The following BEND6 variants were observed in gnomAD, a reference collection of about 807,000 sequenced individuals.
BEND6 encodes the protein BEN domain-containing protein 6.
Under a neutral mutation model 31.8 loss-of-function variants are expected in BEND6, and 24 were observed. The observed-to-expected ratio is 0.75, with a 90% confidence interval of 0.55 to 1.06. The LOEUF is 1.06. BEND6 is among the 50% of genes least tolerant of loss of function. The pLI is 0.00. For missense variants in BEND6, 294 were observed against 327.4 expected (o/e 0.90, Z 0.79); for synonymous variants, 109 against 114.6 (o/e 0.95, Z 0.31).
chr6:57,022,618 T>G (rs1286875773), intron 6 of BEND6, among the ~76,000 whole-genome samples: 1 of 152,116 alleles, frequency 6.6e-6, no homozygotes, highest in African/African-American at 2.4e-5. Context: ...CTTTTTTGTT[T>G]GTTTGTTTTT....
At chr6:56,976,828 G>C (rs1825894881) in intron 1 of BEND6, among the ~76,000 whole-genome samples, 1 of 152,218 alleles carries the variant, frequency 6.6e-6, no homozygotes, top group Non-Finnish European at 1.5e-5. Flanking sequence ...GCTTCCCAAA[G>C]TGCTGGGATT....
At position 56,990,404 on chromosome 6, in the gene BEND6, G is replaced by A. The variant is rs549297437; in HGVS notation, c.121-1974G>A. 5.3e-5 allele frequency among the ~76,000 whole-genome samples: 8 copies of A among 151,876 alleles called. No homozygotes were observed. In the South Asian group the frequency reaches 1.5e-3, roughly 28 times the overall value. On this transcript the variant is annotated intron_variant, in intron 2 of 6. Transcript: ENST00000370746. The stretch of plus-strand genomic sequence containing the variant: ...CAGGACTACAGGTGTGCACCACCAC[G>A]ACTGGATAATTTTTGTATTTTTTGT...
rs1478413138 is a variant in BEND6, at chr6:56,983,372, C to T, written c.120+1442C>T. 2.0e-5 allele frequency among the ~76,000 whole-genome samples: 3 copies of T among 152,266 alleles called. No individual in the cohort carries two copies. The East Asian group carries it at 5.8e-4, about 29-fold the overall frequency. ...ACAAAACAATTTTATTACCTATGGT[C>T]CTCGTGTGCTACGTTAGATCTCTAA... On this transcript the variant is annotated intron_variant, in intron 2 of 6. Coordinates refer to ENST00000370746, the MANE Select transcript of BEND6 (RefSeq NM_152731.3).
intron 1 of BEND6, among the ~76,000 whole-genome samples, chr6:56,968,863 C>T (rs1193317001): frequency 6.6e-6 from 1 of 151,974 alleles, no homozygotes; most frequent in African/African-American, 2.4e-5. Context: ...ATCACGAGGT[C>T]AGGAGCTCAA....
At chr6:57,022,715 C>T (rs1398476052) in intron 6 of BEND6, among the ~76,000 whole-genome samples, 1 of 151,294 alleles carries the variant, frequency 6.6e-6, no homozygotes, top group Non-Finnish European at 1.5e-5. Flanking sequence ...CTTTGAGGTA[C>T]ACCATTAGGT....
rs1824641700 is a variant in BEND6, at chr6:56,955,322, G to A, written c.-239G>A. On this transcript the variant is annotated 5_prime_UTR_variant, in exon 1 of 7. Transcript: ENST00000370746. The stretch of plus-strand genomic sequence containing the variant: ...CAGCCTCCCTCGGCCAAATTGCTGC[G>A]GAGCCCGTCGTCAGGGGGCGCCAAG... 1 of 152,250 alleles carries A rather than the reference G, an allele frequency of 6.6e-6. No homozygotes were observed. Among genetic ancestry groups the A allele is most frequent in the African/African-American group, 2.4e-5 (1 of 41,466 alleles). 9.4% of individuals were successfully genotyped at this position (152,250 alleles called of 1,614,324 possible). A position where few individuals can be genotyped will look rare whatever the true frequency, so the allele number is the denominator to read the frequency against.
intron 6 of BEND6, among the ~76,000 whole-genome samples, chr6:57,019,545 A>C (rs1347879699): frequency 6.6e-6 from 1 of 152,124 alleles, no homozygotes; most frequent in Non-Finnish European, 1.5e-5. Flanking sequence ...ACCATGTTTT[A>C]AATGAGATGT....
Position 57,015,179 on chromosome 6 carries a change from C to G in BEND6, c.345C>G (p.Ala115=). 2 of 1,614,074 alleles carry G rather than the reference C, an allele frequency of 1.2e-6. No individual in the cohort carries two copies. The highest frequency in any genetic ancestry group is 1.7e-6 in the Non-Finnish European group (2 of 1,180,016). Residue 115 remains alanine, a synonymous_variant, in exon 4 of 7, where the codon GCC becomes GCG. Coordinates refer to ENST00000370746, the MANE Select transcript of BEND6 (RefSeq NM_152731.3). ...AGTTTGAAGAATTGGTTGGTATGGC[C>G]GAGGCTCTGCTTAAGGGTGGGGGAA... ...VTQFEELVGM[A]EALLKGGGTM...
At chr6:57,014,867 T>C (rs1026512569) in intron 3 of BEND6, among the ~76,000 whole-genome samples, 3 of 152,228 alleles carry the variant, frequency 2.0e-5, no homozygotes, top group Non-Finnish European at 4.4e-5. Flanking sequence ...AAAACATTCT[T>C]TTTAGTTACA....
At chr6:56,959,815 T>C (rs1825225800) in intron 1 of BEND6, among the ~76,000 whole-genome samples, 1 of 152,190 alleles carries the variant, frequency 6.6e-6, no homozygotes, top group African/African-American at 2.4e-5. Flanking sequence ...TGAGAAAATA[T>C]TGCAAATGGA....
At chr6:56,978,930 A>T (rs1825978408) in intron 1 of BEND6, among the ~76,000 whole-genome samples, 1 of 152,256 alleles carries the variant, frequency 6.6e-6, no homozygotes, top group Non-Finnish European at 1.5e-5. Context: ...CAAAACTTAC[A>T]CTGAAGTAAA....
At position 57,014,049 on chromosome 6, in the gene BEND6, G is replaced by A. The variant is rs17752624; in HGVS notation, c.299-1084G>A. On this transcript the variant is annotated intron_variant, in intron 3 of 6. Transcript: ENST00000370746. Reference sequence around the variant, plus strand: ...GTAAAGATAATACCTATCTCAGAGAGTTGCAATGAGTATTGGATGAAAGAA... The same window carrying A: ...GTAAAGATAATACCTATCTCAGAGAATTGCAATGAGTATTGGATGAAAGAA... 850 of 153,338 alleles carry A rather than the reference G, an allele frequency of 5.5e-3. 5 individuals are homozygous for A. The highest frequency in any genetic ancestry group is 0.017 in the Middle Eastern group (5 of 296). The allele number at this position is 153,338 out of a possible 1,614,324, so 9.5% of individuals were successfully genotyped here.
intron 1 of BEND6, among the ~76,000 whole-genome samples, chr6:56,961,498 C>G (rs1168332533): frequency 6.6e-6 from 1 of 152,086 alleles, no homozygotes; most frequent in Non-Finnish European, 1.5e-5. Context: ...AATCTAGGAC[C>G]ACTTCCATAG....
chr6:57,009,431 A>C (rs924223564), intron 3 of BEND6: 2 of 152,220 alleles, frequency 1.3e-5, no homozygotes, highest in Admixed American at 1.3e-4. Context: ...ATCAAATTTT[A>C]AAAAAGGATT....
intron 2 of BEND6, among the ~76,000 whole-genome samples, chr6:56,988,514 G>A (rs1357012558): frequency 6.6e-6 from 1 of 152,122 alleles, no homozygotes; most frequent in African/African-American, 2.4e-5. Flanking sequence ...TGTTTACTAT[G>A]TGCAATGCAA....
chr6:56,964,828 C>T (rs533861765), intron 1 of BEND6, among the ~76,000 whole-genome samples: 3 of 152,150 alleles, frequency 2.0e-5, no homozygotes, highest in African/African-American at 7.2e-5. Context: ...TGAACCTCGA[C>T]GTTAGGTTGC....
At chr6:56,998,156 G>A (rs1014267245) in intron 3 of BEND6, among the ~76,000 whole-genome samples, 4 of 152,170 alleles carry the variant, frequency 2.6e-5, no homozygotes, top group Non-Finnish European at 5.9e-5. Flanking sequence ...AGGCCTTCTT[G>A]TAAAGCTGCA....
At chr6:57,021,537 T>A (rs992900584) in intron 6 of BEND6, among the ~76,000 whole-genome samples, 20 of 152,184 alleles carry the variant, frequency 1.3e-4, no homozygotes, top group African/African-American at 4.6e-4. Context: ...TCCCTTTTTT[T>A]AATATATTCT....
chr6:57,008,069 A>G (rs763860550), intron 3 of BEND6: 4 of 668,966 alleles, frequency 6.0e-6, no homozygotes, highest in Non-Finnish European at 8.1e-6. Context: ...TGTTTCAACT[A>G]GAAGGTCAGA....
Sources: gnomAD v4.1 joint callset for allele counts (sites outside exome capture counted in the v4.1 genomes callset) on GRCh38, gnomAD v4.1.1 for gene constraint, MANE v1.5 for transcripts, NCBI Gene and HGNC (gene_info 2026-07-23, HGNC 2026-07-21) for gene names.